Variants in MTMR4 observed in about 807,000 individuals in gnomAD.
The protein encoded by MTMR4 is myotubularin related protein 4.
In MTMR4, 30 loss-of-function variants were observed where a neutral mutation model predicts 125.5. The ratio of observed to expected loss-of-function variants is 0.24; its 90% confidence interval spans 0.18 to 0.32. The LOEUF is 0.32. Among genes scored for constraint, MTMR4 ranks in the 10% least tolerant of loss-of-function variants. The pLI is 1.00. For synonymous variants in MTMR4, 498 were observed against 564.5 expected (o/e 0.88, Z 1.67); for missense variants, 1,039 against 1,511.5 (o/e 0.69, Z 5.18).
chr17:58,506,927 G>A, intron 8 of MTMR4, 56 bp from the exon 9 acceptor site: 1 of 1,586,496 alleles, frequency 6.3e-7, no homozygotes, highest in Non-Finnish European at 8.6e-7. Context: ...ACCTCTTGCT[G>A]GCCCTCTGGC....
chr17:58,511,576 AG>A, intron 3 of MTMR4, 65 bp from the exon 4 acceptor site: 1 of 1,351,864 alleles, frequency 7.4e-7, no homozygotes, highest in Non-Finnish European at 1.0e-6. Flanking sequence ...CCCTCACCCT[AG>A]CGTAGGCACT....
At chr17:58,514,220 A>G (rs1288734186) in intron 1 of MTMR4, 143 bp downstream of exon 1, 9 of 727,662 alleles carry the variant, frequency 1.2e-5, no homozygotes, top group Non-Finnish European at 1.2e-5. Context: ...AAGAAATAAA[A>G]GGGTTAACCC....
upstream of MTMR4, chr17:58,514,885 G>T (rs1976044425): frequency 2.9e-6 from 1 of 343,110 alleles, no homozygotes; most frequent in South Asian, 1.2e-4. Flanking sequence ...ACCCATCCCC[G>T]CGCCCCCTCC....
chr17:58,517,584 G>A (rs2042035040), upstream of MTMR4, among the ~76,000 whole-genome samples: 1 of 152,270 alleles, frequency 6.6e-6, no homozygotes, highest in Admixed American at 6.5e-5. Flanking sequence ...CAAGGATCAG[G>A]CCTGGGAGGC....
In MTMR4 at chr17:58,504,052, T is replaced by C. The variant is rs1190365056; in HGVS notation, c.1696A>G (p.Met566Val). The C allele has an allele frequency of 6.4e-7, 1 of 1,553,942 alleles. No individual in the cohort carries two copies. The change falls in exon 13 of 18, where the codon ATG becomes GTG. Residue 566 changes from methionine (M) to valine (V), a missense_variant and splice_region_variant. Met to Val is a conservative substitution (Grantham distance 21, BLOSUM62 1). Transcript: ENST00000682306. This position sits in a 1 kb window ranked among gnomAD's most constrained non-coding sequence, Gnocchi z 7.1. ...HNFLYTPSSD[M>V]VLHPVCHVRA... ...ACAGGAAAAGGGCTCAGACTCACCA[T>C]GTCTGAGCTGGGTGTGTAGAGGAAG... is the stretch of plus-strand genomic sequence containing the variant.
intron 14 of MTMR4, among the ~76,000 whole-genome samples, chr17:58,497,098 C>T (rs367682585): frequency 6.6e-6 from 1 of 152,228 alleles, no homozygotes; most frequent in East Asian, 1.9e-4. Context: ...AGTGACCATC[C>T]TGATTATTAA....
chr17:58,508,067 T>G lies in MTMR4; in HGVS notation c.707+94A>C. 1 of 868,706 alleles carries G rather than the reference T, an allele frequency of 1.2e-6. No individual in the cohort carries two copies. The highest frequency in any genetic ancestry group is 1.9e-6 in the Non-Finnish European group (1 of 534,080). 53.8% of individuals were successfully genotyped at this position (868,706 alleles called of 1,614,324 possible). A position where few individuals can be genotyped will look rare whatever the true frequency, so the allele number is the denominator to read the frequency against. On this transcript the variant is annotated intron_variant, in intron 7 of 17. Transcript: ENST00000682306. This position sits in a 1 kb window ranked among gnomAD's most constrained non-coding sequence, Gnocchi z 4.8. ...TCATACTTCCCCATAGAGTGTCAAT[T>G]CTCAGTCAACCAGGTTACCCAAAAT...
At position 58,512,767 on chromosome 17, in the gene MTMR4, G is replaced by A; in HGVS notation, c.135+85C>T. 1 of 1,173,486 alleles carries A rather than the reference G, an allele frequency of 8.5e-7. No homozygotes were observed. The highest frequency in any genetic ancestry group is 1.3e-6 in the Non-Finnish European group (1 of 793,580). The allele number at this position is 1,173,486 out of a possible 1,614,324, so 72.7% of individuals were successfully genotyped here. On this transcript the variant is annotated intron_variant, in intron 2 of 17. Coordinates refer to ENST00000682306, the MANE Select transcript of MTMR4 (RefSeq NM_001378067.1). This position sits in a 1 kb window ranked among gnomAD's most constrained non-coding sequence, Gnocchi z 4.1. ...TGAAGCCAGAGCTCTGGTACCAGAT[G>A]CCCTTGAGGATTTTTGGGAGAAGGG...
Position 58,504,677 on chromosome 17 carries a change from C to A in MTMR4, c.1341+102G>T. 1 of 1,407,278 alleles carries A rather than the reference C, an allele frequency of 7.1e-7. No individual in the cohort carries two copies. Among genetic ancestry groups the A allele is most frequent in the Non-Finnish European group, 9.6e-7 (1 of 1,036,336 alleles). The allele number at this position is 1,407,278 out of a possible 1,614,324, so 87.2% of individuals were successfully genotyped here. A position where few individuals can be genotyped will look rare whatever the true frequency, so the allele number is the denominator to read the frequency against. Reference sequence around the variant, plus strand: ...GAAAAAAAAAGAAAAAAAGAGCCACCAATGTCCTCTACTGAAAGATCCCCA... The same window carrying A: ...GAAAAAAAAAGAAAAAAAGAGCCACAAATGTCCTCTACTGAAAGATCCCCA... On this transcript the variant is annotated intron_variant, in intron 11 of 17. Transcript: ENST00000682306. The surrounding 1 kb of genome is among the most constrained non-coding windows in gnomAD (Gnocchi z 7.1).
intron 9 of MTMR4, 90 bp from the exon 10 acceptor site, chr17:58,505,673 T>G (rs757027659): frequency 1.2e-5 from 9 of 781,694 alleles, no homozygotes; most frequent in Non-Finnish European, 1.7e-5. Flanking sequence ...TTTGGGAGGC[T>G]GAAGCGGTTG....
chr17:58,499,053 C>G (rs1975548730), intron 14 of MTMR4, among the ~76,000 whole-genome samples: 1 of 152,062 alleles, frequency 6.6e-6, no homozygotes, highest in African/African-American at 2.4e-5. Flanking sequence ...ATTAGTTCTC[C>G]AAGGATCCCA....
In MTMR4 at chr17:58,508,403, C is replaced by T. The variant is rs1975833558; in HGVS notation, c.593+65G>A. 2 of 1,583,768 alleles carry T rather than the reference C, an allele frequency of 1.3e-6. No homozygotes were observed. Among genetic ancestry groups the T allele is most frequent in the Admixed American group, 1.7e-5 (1 of 59,916 alleles). The stretch of plus-strand genomic sequence containing the variant: ...CTCTCAGACTCAGAAGCTGTGCCCA[C>T]CACACTTTATCCAAACACGGAAGTA... On this transcript the variant is annotated intron_variant, in intron 6 of 17. Transcript: ENST00000682306. This position sits in a 1 kb window ranked among gnomAD's most constrained non-coding sequence, Gnocchi z 4.8.
rs1267334791 is a variant in MTMR4, at chr17:58,512,084, T to A, written c.252+306A>T. 6.6e-6 allele frequency among the ~76,000 whole-genome samples: 1 copy of A among 152,044 alleles called. No individual in the cohort carries two copies. The highest frequency in any genetic ancestry group is 2.4e-5 in the African/African-American group (1 of 41,392). On this transcript the variant is annotated intron_variant, in intron 3 of 17. Transcript: ENST00000682306. This position sits in a 1 kb window ranked among gnomAD's most constrained non-coding sequence, Gnocchi z 4.1. ...TCACTGCAACCTCCACCTCCCAGGT[T>A]CAAGTGATTCCCGTACCTCAGCCCC...
At position 58,504,618 on chromosome 17, in the gene MTMR4, C is replaced by T; in HGVS notation, c.1342-130G>A. ...ATAGGACTGGACCTAGAAGAGGACT[C>T]AAAGCCACCAATTTTCCAAGCCTTT... On this transcript the variant is annotated intron_variant, in intron 11 of 17. Coordinates refer to ENST00000682306, the MANE Select transcript of MTMR4 (RefSeq NM_001378067.1). The surrounding 1 kb of genome is among the most constrained non-coding windows in gnomAD (Gnocchi z 7.1). 7.4e-7 allele frequency: 1 copy of T among 1,343,326 alleles called. No homozygotes were observed. The highest frequency in any genetic ancestry group is 2.4e-5 in the Admixed American group (1 of 41,414). 83.2% of individuals were successfully genotyped at this position (1,343,326 alleles called of 1,614,324 possible).
intron 9 of MTMR4, among the ~76,000 whole-genome samples, chr17:58,506,313 G>A (rs1975778090): frequency 6.6e-6 from 1 of 152,132 alleles, no homozygotes; most frequent in South Asian, 2.1e-4. Flanking sequence ...CTCCCAAGTG[G>A]CTGGGATGGG....
Position 58,491,271 on chromosome 17 carries a change from G to A in MTMR4, c.*392C>T, listed in dbSNP as rs1975306369. 1 of 159,184 alleles carries A rather than the reference G, an allele frequency of 6.3e-6. No individual in the cohort carries two copies. The highest frequency in any genetic ancestry group is 1.4e-5 in the Non-Finnish European group (1 of 72,076). 9.9% of individuals were successfully genotyped at this position (159,184 alleles called of 1,614,324 possible). A position where few individuals can be genotyped will look rare whatever the true frequency, so the allele number is the denominator to read the frequency against. ...TACTATAATCTGCTTTTGTCAAGGT[G>A]GAGGAGAGATGGGTCTGGTTATCAC... On this transcript the variant is annotated 3_prime_UTR_variant, in exon 18 of 18. Transcript: ENST00000682306.
rs747843469 is a variant in MTMR4, at chr17:58,495,100, G to T, written c.3084C>A (p.Leu1028=). 11 of 1,614,178 alleles carry T rather than the reference G, an allele frequency of 6.8e-6. No homozygotes were observed. In the South Asian group the frequency reaches 1.2e-4, roughly 18 times the overall value. Residue 1028 remains leucine, a synonymous_variant, in exon 15 of 18, where the codon CTC becomes CTA. Coordinates refer to ENST00000682306, the MANE Select transcript of MTMR4 (RefSeq NM_001378067.1). The part of the protein sequence containing the change: ...VPPLYLDDDG[L]PFPTDVIQHR... ...GCTGGATCACATCCGTGGGAAAGGGGAGTCCATCATCATCCAAATACAGAG... is the reference window on the plus strand; with the variant it reads ...GCTGGATCACATCCGTGGGAAAGGGTAGTCCATCATCATCCAAATACAGAG...
At chr17:58,518,775 G>T (rs1229513675), upstream of MTMR4, among the ~76,000 whole-genome samples, 4 of 152,170 alleles carry the variant, frequency 2.6e-5, no homozygotes, top group Non-Finnish European at 5.9e-5. Context: ...GGAGGTCGCC[G>T]TGGCCCCGCG....
intron 3 of MTMR4, 39 bp from the exon 4 acceptor site, chr17:58,511,550 T>G (rs1173710938): frequency 6.4e-7 from 1 of 1,550,796 alleles, no homozygotes; most frequent in East Asian, 2.2e-5. Context: ...GACTCCCCAC[T>G]GGGTACCACT....
Sources: allele counts gnomAD v4.1 joint callset (sites outside exome capture counted in the v4.1 genomes callset), GRCh38; gene constraint gnomAD v4.1.1; non-coding constraint Gnocchi (gnomAD v3.1); transcripts MANE v1.5; gene names NCBI Gene and HGNC (gene_info 2026-07-23, HGNC 2026-07-21).